THSD7B: variants seen among roughly 807,000 people sequenced by gnomAD.
The protein encoded by THSD7B is thrombospondin type 1 domain containing 7B, also known as thrombospondin type-1 domain-containing protein 7B.
In THSD7B, 138 loss-of-function variants were observed where a neutral mutation model predicts 213.6. The ratio of observed to expected loss-of-function variants is 0.65; its 90% CI spans 0.56 to 0.74. The LOEUF (loss-of-function observed/expected upper bound fraction) is 0.74, where lower values mean the gene tolerates loss of function less well. Ranked by LOEUF, THSD7B falls within the 30% of genes least tolerant of loss-of-function variation. The probability of loss-of-function intolerance (pLI) is 0.00; values close to 1 mark genes in which losing one functional copy is unlikely to be tolerated. For missense variants in THSD7B, 1,931 were observed against 1,991.5 expected (o/e 0.97, Z 0.58); for synonymous variants, 742 against 687.0 (o/e 1.08, Z -1.25).
chr2:137,254,831 A>G (rs948169713), intron 10 of THSD7B, among the ~76,000 whole-genome samples: 1 of 152,068 alleles, frequency 6.6e-6, no homozygotes, highest in Non-Finnish European at 1.5e-5. Context: ...AACATTATGA[A>G]TTTTATAAAC....
chr2:137,076,242 G>C (rs1016318948), intron 3 of THSD7B, among the ~76,000 whole-genome samples: 1 of 152,226 alleles, frequency 6.6e-6, no homozygotes, highest in African/African-American at 2.4e-5. Context: ...CACCCAGTTC[G>C]AGCTTCCTGG....
chr2:137,638,528 G>C (rs966638727), intron 20 of THSD7B, among the ~76,000 whole-genome samples: 1 of 152,138 alleles, frequency 6.6e-6, no homozygotes, highest in Admixed American at 6.5e-5. Context: ...CAGATTAATA[G>C]AGTAAATTGA....
At chr2:137,031,150 C>G (rs1360720431) in intron 2 of THSD7B, among the ~76,000 whole-genome samples, 1 of 152,108 alleles carries the variant, frequency 6.6e-6, no homozygotes, top group Non-Finnish European at 1.5e-5. Flanking sequence ...TCGAGACCAG[C>G]CTGGCCAACA....
At chr2:137,606,087 C>G (rs112505555) in intron 17 of THSD7B, among the ~76,000 whole-genome samples, 3,430 of 152,272 alleles carry the variant, frequency 0.023, 135 homozygotes, top group African/African-American at 0.079. Context: ...AGGCGTGAGC[C>G]ACGACACCCG....
At chr2:136,854,558 A>G (rs1683150457) in intron 1 of THSD7B, among the ~76,000 whole-genome samples, 2 of 151,966 alleles carry the variant, frequency 1.3e-5, no homozygotes, top group South Asian at 2.1e-4. Flanking sequence ...GCACAGCACC[A>G]TGGCCTTAGC....
intron 12 of THSD7B, among the ~76,000 whole-genome samples, chr2:137,339,779 AT>A (rs985204004): frequency 6.6e-6 from 1 of 151,298 alleles, no homozygotes; most frequent in African/African-American, 2.4e-5. Context: ...TGTCTTTCCC[AT>A]TTCTGCCTGA....
intron 5 of THSD7B, among the ~76,000 whole-genome samples, chr2:137,150,545 T>C (rs2104974154): frequency 6.6e-6 from 1 of 152,106 alleles, no homozygotes; most frequent in East Asian, 1.9e-4. Flanking sequence ...TGAAGAAGGA[T>C]GTGTTTTCTT....
At position 137,160,072 on chromosome 2, in the gene THSD7B, AG is replaced by A. The variant is rs1434645478; in HGVS notation, c.1370-140del. ...CATGTGAAGCTAAACAACACATATT[AG>A]AAAGTGTTGATGTTTTCTTTGCATA... On this transcript the variant is annotated intron_variant, in intron 5 of 27. Coordinates refer to ENST00000409968, the MANE Select transcript of THSD7B (RefSeq NM_001316349.2). 5.0e-6 allele frequency: 5 copies of A among 990,656 alleles called. No individual in the cohort carries two copies. The African/African-American group carries it at 8.3e-5, about 16-fold the overall frequency. 61.4% of individuals were successfully genotyped at this position (990,656 alleles called of 1,614,324 possible).
chr2:137,505,397 T>C (rs1573670612), intron 15 of THSD7B, among the ~76,000 whole-genome samples: 1 of 152,054 alleles, frequency 6.6e-6, no homozygotes, highest in South Asian at 2.1e-4. Flanking sequence ...GGACCACAGG[T>C]TGGGTCACAA....
At chr2:137,385,095 C>G (rs1196029361) in intron 12 of THSD7B, among the ~76,000 whole-genome samples, 2 of 152,124 alleles carry the variant, frequency 1.3e-5, no homozygotes, top group Non-Finnish European at 2.9e-5. Flanking sequence ...AGAGCCAAGG[C>G]CCCTGCTGGC....
chr2:137,062,056 C>G (rs545645057), intron 3 of THSD7B, among the ~76,000 whole-genome samples: 116 of 151,766 alleles, frequency 7.6e-4, no homozygotes, highest in African/African-American at 2.7e-3. Flanking sequence ...ATCGATTTCT[C>G]TTTGTGTGTT....
At chr2:137,225,357 C>G (rs1681472357) in intron 7 of THSD7B, among the ~76,000 whole-genome samples, 1 of 152,194 alleles carries the variant, frequency 6.6e-6, no homozygotes, top group African/African-American at 2.4e-5. Context: ...TCCCCCAGTG[C>G]TAGATTTACT....
At chr2:137,135,359 G>A (rs1427892408) in intron 5 of THSD7B, among the ~76,000 whole-genome samples, 2 of 152,070 alleles carry the variant, frequency 1.3e-5, no homozygotes, top group South Asian at 2.1e-4. Flanking sequence ...ATATTTGGTC[G>A]TGGTGCTATT....
intron 12 of THSD7B, among the ~76,000 whole-genome samples, chr2:137,321,981 G>A (rs1437082680): frequency 6.6e-6 from 1 of 152,164 alleles, no homozygotes; most frequent in Non-Finnish European, 1.5e-5. Flanking sequence ...GGAAGCAGAT[G>A]CTTTTTAGGC....
chr2:137,046,781 C>G (rs1276937114), intron 2 of THSD7B, among the ~76,000 whole-genome samples: 1 of 150,062 alleles, frequency 6.7e-6, no homozygotes, highest in East Asian at 2.0e-4. Context: ...TATGGCCGCC[C>G]AGGTATTGGA....
At chr2:136,973,683 ATC>A (rs1685438145) in intron 2 of THSD7B, among the ~76,000 whole-genome samples, 1 of 152,144 alleles carries the variant, frequency 6.6e-6, no homozygotes, top group Non-Finnish European at 1.5e-5. Context: ...GTAATTACCC[ATC>A]TGTTTCAAAT....
At chr2:137,049,030 T>C (rs1200610984) in intron 2 of THSD7B, among the ~76,000 whole-genome samples, 2 of 152,246 alleles carry the variant, frequency 1.3e-5, no homozygotes, top group Admixed American at 1.3e-4. Flanking sequence ...TTTCTTCCAC[T>C]TCTCCAGGGA....
chr2:137,634,487 T>G (rs1261620252), intron 20 of THSD7B, among the ~76,000 whole-genome samples: 1 of 152,220 alleles, frequency 6.6e-6, no homozygotes, highest in Admixed American at 6.5e-5. Context: ...AGGAACCTTC[T>G]TCGACAATCT....
intron 4 of THSD7B, among the ~76,000 whole-genome samples, chr2:137,110,257 G>C (rs181523221): frequency 1.3e-5 from 2 of 152,148 alleles, no homozygotes; most frequent in Admixed American, 1.3e-4. Flanking sequence ...GTTGTCCTCG[G>C]TGCTTAGCTG....
Sources: allele counts gnomAD v4.1 joint callset (sites outside exome capture counted in the v4.1 genomes callset), GRCh38; gene constraint gnomAD v4.1.1; transcripts MANE v1.5; gene names NCBI Gene and HGNC (gene_info 2026-07-23, HGNC 2026-07-21).